ZNF595: variants seen among roughly 807,000 people sequenced by gnomAD.
ZNF595 encodes the protein zinc finger protein 595.
In ZNF595, 9 loss-of-function variants were observed where a neutral mutation model predicts 19.4. The ratio of observed to expected loss-of-function variants is 0.46; its 90% CI spans 0.28 to 0.81. The LOEUF (loss-of-function observed/expected upper bound fraction) is 0.81, where lower values mean the gene tolerates loss of function less well. ZNF595 is among the 30% of genes least tolerant of loss of function. ZNF595 has a pLI of 0.11. For missense variants in ZNF595, 729 were observed against 736.0 expected (o/e 0.99, Z 0.11); for synonymous variants, 255 against 255.9 (o/e 1.00, Z 0.03).
chr4:82,372 GTTT>G (rs34932652), intron 3 of ZNF595, among the ~76,000 whole-genome samples: 20 of 85,918 alleles, frequency 2.3e-4, no homozygotes, highest in South Asian at 8.1e-4. Context: ...TTGGTTTGTG[GTTT>G]TTTTTTTTTT....
In ZNF595 at chr4:86,351, C is replaced by G. The variant is rs782582534; in HGVS notation, c.847C>G (p.Pro283Ala). The change falls in exon 4 of 4, where the codon CCC (proline) becomes GCC (alanine). Residue 283 changes from proline (P) to alanine (A), a missense_variant. Around this residue, in one of 2 missense-constraint regions of ZNF595, gnomAD observed 729 missense variants for 675.3 expected, o/e 1.08. Coordinates refer to ENST00000610261, the MANE Select transcript of ZNF595 (RefSeq NM_182524.4). ...EHKKIHTGEK[P>A]YKCKECGKAF... ...CAAGAAAATTCATACTGGAGAGAAA[C>G]CCTACAAATGTAAAGAATGTGGCAA... The G allele has an allele frequency of 6.2e-7, 1 of 1,613,616 alleles. No homozygotes were observed. The highest frequency in any genetic ancestry group is 8.5e-7 in the Non-Finnish European group (1 of 1,179,900).
chr4:72,559 G>A (rs1713474907), intron 3 of ZNF595, among the ~76,000 whole-genome samples: 1 of 152,132 alleles, frequency 6.6e-6, no homozygotes, highest in African/African-American at 2.4e-5. Context: ...TGAGTTTAAT[G>A]TTAAATTCTA....
intron 3 of ZNF595, among the ~76,000 whole-genome samples, chr4:80,108 C>T (rs59603164): frequency 0.17 from 26,475 of 152,016 alleles, 2,558 homozygotes; most frequent in Admixed American, 0.25. Context: ...CTGCAACCTC[C>T]GCCTCCCAGG....
Position 86,140 on chromosome 4 carries a change from C to T in ZNF595, c.636C>T (p.Ser212=), listed in dbSNP as rs782290607. 3 of 1,613,566 alleles carry T rather than the reference C, an allele frequency of 1.9e-6. No individual in the cohort carries two copies. Among genetic ancestry groups the T allele is most frequent in the Non-Finnish European group, 2.5e-6 (3 of 1,179,760 alleles). ...AATGTGGCAAAGCCTTTAATAGGTC[C>T]ACATCACTTAGTAAACATAAGAGAA... ...CEKCGKAFNR[S]TSLSKHKRIH... Residue 212 remains serine, a synonymous_variant, in exon 4 of 4, where the codon TCC becomes TCT. Coordinates refer to ENST00000610261, the MANE Select transcript of ZNF595 (RefSeq NM_182524.4).
Position 87,248 on chromosome 4 carries a change from C to T in ZNF595, c.1744C>T (p.His582Tyr). The T allele has an allele frequency of 6.3e-7, 1 of 1,594,798 alleles. No homozygotes were observed. Among genetic ancestry groups the T allele is most frequent in the Non-Finnish European group, 8.6e-7 (1 of 1,167,526 alleles). Reference sequence around the variant, plus strand: ...TAACTTATCCTCAACCCTTACTAAACATAAGAGAATTCATACTGGAGAGAA... The same window carrying T: ...TAACTTATCCTCAACCCTTACTAAATATAAGAGAATTCATACTGGAGAGAA... ...AYNLSSTLTK[H>Y]KRIHTGEKPF... is the part of the protein sequence containing the mutation. Residue 582 changes from histidine to tyrosine, a missense_variant, in exon 4 of 4, where the codon CAT becomes TAT. Transcript: ENST00000610261.
chr4:77,648 T>C (rs1553798983), intron 3 of ZNF595, among the ~76,000 whole-genome samples: 2 of 152,202 alleles, frequency 1.3e-5, no homozygotes, highest in East Asian at 3.8e-4. Context: ...TAACTACTAC[T>C]ATGTCTGCAG....
chr4:70,770 A>G (rs1430631544), intron 3 of ZNF595, among the ~76,000 whole-genome samples: 3 of 152,190 alleles, frequency 2.0e-5, no homozygotes, highest in African/African-American at 7.2e-5. Context: ...AGAATCATTT[A>G]TAGTTAAATA....
chr4:67,906 A>ATTTT (rs1713224276), intron 3 of ZNF595: 1 of 483,664 alleles, frequency 2.1e-6, no homozygotes, highest in African/African-American at 2.2e-5. Flanking sequence ...TTTTTTTTTG[A>ATTTT]GGCGGAGTGG....
In ZNF595 at chr4:86,684, A is replaced by G. The variant is rs1714200161; in HGVS notation, c.1180A>G (p.Lys394Glu). The change falls in exon 4 of 4, where the codon AAA becomes GAA. Residue 394 changes from lysine (K) to glutamate (E), a missense_variant. Transcript: ENST00000610261. ...NKHKRIHTGE[K>E]PYTCEECGKA... ...ACATAAGAGAATTCATACTGGAGAGAAACCCTACACATGTGAAGAATGTGG... is the reference window on the plus strand; with the variant it reads ...ACATAAGAGAATTCATACTGGAGAGGAACCCTACACATGTGAAGAATGTGG... The G allele has an allele frequency of 1.2e-6, 2 of 1,613,670 alleles. No homozygotes were observed. The highest frequency in any genetic ancestry group is 3.3e-5 in the Admixed American group (2 of 59,964).
At chr4:77,226 C>T (rs1011916467) in intron 3 of ZNF595, among the ~76,000 whole-genome samples, 2 of 150,488 alleles carry the variant, frequency 1.3e-5, no homozygotes, top group African/African-American at 4.9e-5. Flanking sequence ...AAAGCTTTCT[C>T]TAAAATTTTT....
intron 3 of ZNF595, among the ~76,000 whole-genome samples, chr4:83,619 C>CAAAAAAAAAAAAAAAAAAAAA (rs71164492): frequency 1.6e-4 from 6 of 38,586 alleles, no homozygotes; most frequent in Non-Finnish European, 2.9e-4. Context: ...GACTCCGTCT[C>CAAAAAAAAAAAAAAAAAAAAA]AAAAAAAAAA....
intron 3 of ZNF595, among the ~76,000 whole-genome samples, chr4:74,209 C>G (rs1013239722): frequency 6.6e-6 from 1 of 152,058 alleles, no homozygotes; most frequent in East Asian, 1.9e-4. Flanking sequence ...GGGGCTGAGG[C>G]AAGAGGATCA....
At chr4:61,110 C>G (rs1581322809) in intron 3 of ZNF595, among the ~76,000 whole-genome samples, 1 of 152,290 alleles carries the variant, frequency 6.6e-6, no homozygotes, top group African/African-American at 2.4e-5. Context: ...GATTGGATAC[C>G]ACTGGTTTAA....
Position 86,383 on chromosome 4 carries a change from T to C in ZNF595, c.879T>C (p.Phe293=), listed in dbSNP as rs62638696. The C allele has an allele frequency of 2.5e-6, 4 of 1,613,390 alleles. No individual in the cohort carries two copies. The highest frequency in any genetic ancestry group is 2.7e-5 in the African/African-American group (2 of 74,902). The part of the protein sequence containing the change: ...PYKCKECGKA[F]RWSTSLNEHK... ...AATGTAAAGAATGTGGCAAAGCCTTTAGATGGTCCACAAGCCTGAATGAAC... is the reference window on the plus strand; with the variant it reads ...AATGTAAAGAATGTGGCAAAGCCTTCAGATGGTCCACAAGCCTGAATGAAC... The change falls in exon 4 of 4, where the codon TTT becomes TTC. Residue 293 remains phenylalanine, a synonymous_variant. Coordinates refer to ENST00000610261, the MANE Select transcript of ZNF595 (RefSeq NM_182524.4).
chr4:83,852 T>G (rs1479797967), intron 3 of ZNF595, among the ~76,000 whole-genome samples: 3 of 151,936 alleles, frequency 2.0e-5, no homozygotes, highest in South Asian at 2.1e-4. Flanking sequence ...CTTTTGACTT[T>G]TGTGTGGATA....
intron 3 of ZNF595, among the ~76,000 whole-genome samples, chr4:71,068 T>A (rs930863890): frequency 2.0e-5 from 3 of 152,216 alleles, no homozygotes; most frequent in Non-Finnish European, 4.4e-5. Flanking sequence ...ACTTCTTTGC[T>A]TATGTTAATT....
chr4:85,900 A>G lies in ZNF595; in HGVS notation c.396A>G (p.Gly132=). Residue 132 remains glycine (G), a synonymous_variant, in exon 4 of 4, where the codon GGA becomes GGG. Transcript: ENST00000610261. ...AGGTGCAGAAAGGAGTTAATAATGG[A>G]GTTTACCAGTGCTTGTCAACTACCC... is the stretch of plus-strand genomic sequence containing the variant. The part of the protein sequence containing the change: ...ECKVQKGVNN[G]VYQCLSTTQS... 1 of 1,614,034 alleles carries G rather than the reference A, an allele frequency of 6.2e-7. No individual in the cohort carries two copies. The highest frequency in any genetic ancestry group is 1.7e-4 in the Middle Eastern group (1 of 6,060).
At chr4:73,995 C>G (rs1553798263) in intron 3 of ZNF595, among the ~76,000 whole-genome samples, 1 of 152,004 alleles carries the variant, frequency 6.6e-6, no homozygotes, top group African/African-American at 2.4e-5. Context: ...TCAGCAAACT[C>G]CATATATTTG....
chr4:66,831 T>G (rs1713136817), intron 3 of ZNF595, among the ~76,000 whole-genome samples: 1 of 152,196 alleles, frequency 6.6e-6, no homozygotes, highest in Non-Finnish European at 1.5e-5. Flanking sequence ...CTGTTTTTAT[T>G]TAGCTTTGTT....
Sources: gnomAD v4.1 joint callset for allele counts (sites outside exome capture counted in the v4.1 genomes callset) on GRCh38, gnomAD v4.1.1 for gene constraint, gnomAD v4.1.1 regional missense constraint, MANE v1.5 for transcripts, NCBI Gene and HGNC (gene_info 2026-07-23, HGNC 2026-07-21) for gene names.